Variants in DAB1 observed in about 807,000 individuals in gnomAD.
DAB1 encodes DAB adaptor protein 1.
In DAB1, 15 loss-of-function variants were observed where a neutral mutation model predicts 64.6. The observed-to-expected ratio is 0.23, with a 90% confidence interval of 0.16 to 0.36. The LOEUF is 0.36. Among genes scored for constraint, DAB1 ranks in the 10% least tolerant of loss-of-function variants. The pLI, the probability that DAB1 is intolerant of heterozygous loss-of-function variation, is 1.00. For missense variants in DAB1, 596 were observed against 706.7 expected (o/e 0.84, Z 1.78); for synonymous variants, 235 against 251.9 (o/e 0.93, Z 0.64).
At chr1:57,227,272 A>G (rs1667338961) in intron 2 of DAB1, among the ~76,000 whole-genome samples, 1 of 152,168 alleles carries the variant, frequency 6.6e-6, no homozygotes, top group Admixed American at 6.5e-5. Context: ...TCAATTCATG[A>G]ATTCATTCAA....
At chr1:58,262,582 TAAAAAAAAC>T (rs1557717781) in intron 4 of DAB1, among the ~76,000 whole-genome samples, 1 of 151,630 alleles carries the variant, frequency 6.6e-6, no homozygotes, top group African/African-American at 2.4e-5. Flanking sequence ...AGACTGCATC[TAAAAAAAAC>T]AAAAAAAACA....
At chr1:57,163,114 A>T (rs959494167) in intron 2 of DAB1, among the ~76,000 whole-genome samples, 2 of 152,248 alleles carry the variant, frequency 1.3e-5, no homozygotes, top group African/African-American at 4.8e-5. Flanking sequence ...CCCAGGGCAC[A>T]GTCATGAACC....
At chr1:57,434,770 CA>C (rs1685629112) in intron 7 of DAB1, among the ~76,000 whole-genome samples, 2 of 151,978 alleles carry the variant, frequency 1.3e-5, no homozygotes, top group African/African-American at 4.8e-5. Context: ...ATACTGTAGG[CA>C]ATTATAATAC....
intron 5 of DAB1, among the ~76,000 whole-genome samples, chr1:58,069,211 G>T (rs1649069710): frequency 6.6e-6 from 1 of 152,114 alleles, no homozygotes; most frequent in South Asian, 2.1e-4. Context: ...ACATGCGTTT[G>T]TTGAGCACTT....
intron 4 of DAB1, among the ~76,000 whole-genome samples, chr1:58,183,426 T>C (rs1040670918): frequency 6.6e-6 from 1 of 152,140 alleles, no homozygotes; most frequent in Non-Finnish European, 1.5e-5. Flanking sequence ...TCAACAGGGA[T>C]AGTGGCAGCT....
intron 4 of DAB1, among the ~76,000 whole-genome samples, chr1:58,241,438 C>T (rs1050994384): frequency 3.9e-5 from 6 of 152,030 alleles, no homozygotes; most frequent in Non-Finnish European, 8.8e-5. Context: ...GCCCTAAATA[C>T]AATGTCCTGG....
intron 6 of DAB1, among the ~76,000 whole-genome samples, chr1:57,663,740 T>G (rs1646414317): frequency 6.6e-6 from 1 of 152,182 alleles, no homozygotes; most frequent in Non-Finnish European, 1.5e-5. Context: ...TATTATTTTA[T>G]AGTATGCATG....
intron 6 of DAB1, among the ~76,000 whole-genome samples, chr1:57,796,884 G>T (rs112742044): frequency 2.6e-5 from 4 of 152,060 alleles, no homozygotes; most frequent in African/African-American, 9.7e-5. Context: ...TCCTGCATCC[G>T]GTTCACTGAC....
intron 6 of DAB1, among the ~76,000 whole-genome samples, chr1:57,744,869 A>T: frequency 6.6e-6 from 1 of 152,158 alleles, no homozygotes; most frequent in East Asian, 1.9e-4. Flanking sequence ...CTGTCCAAAG[A>T]CTATTAGTTC....
At chr1:57,118,519 G>T (rs150722657) in intron 4 of DAB1, among the ~76,000 whole-genome samples, 9 of 152,272 alleles carry the variant, frequency 5.9e-5, no homozygotes, top group African/African-American at 2.2e-4. Flanking sequence ...TGCCTTCTAT[G>T]CTAAAAAAGT....
chr1:57,253,740 T>C (rs551572666), intron 2 of DAB1, among the ~76,000 whole-genome samples: 1 of 152,212 alleles, frequency 6.6e-6, no homozygotes, highest in Non-Finnish European at 1.5e-5. Flanking sequence ...GTCAAAAATC[T>C]TATTACAACC....
chr1:57,233,996 C>G (rs1667900840), intron 2 of DAB1, among the ~76,000 whole-genome samples: 1 of 152,018 alleles, frequency 6.6e-6, no homozygotes, highest in Admixed American at 6.6e-5. Flanking sequence ...AACAACCACT[C>G]CAAGGTTAAT....
intron 7 of DAB1, among the ~76,000 whole-genome samples, chr1:57,481,514 T>C (rs72911219): frequency 6.6e-6 from 1 of 152,132 alleles, no homozygotes; most frequent in Non-Finnish European, 1.5e-5. Context: ...TTATTCATAA[T>C]ACAGCCACGA....
rs142337183 is a variant in DAB1, at chr1:57,373,280, C to A, written c.-137+50650G>T. On this transcript the variant is annotated intron_variant, in intron 1 of 14. Transcript: ENST00000371236. ...GTTTGTTGGATCCATCCCTCTATCT[C>A]TTCTGACTGGTTCTGTGACCTCTTA... is the stretch of plus-strand genomic sequence containing the variant. Among the ~76,000 whole-genome samples the A allele has an allele frequency of 4.6e-3, 702 of 152,282 alleles. 5 individuals are homozygous for A. The highest frequency in any genetic ancestry group is 0.016 in the African/African-American group (655 of 41,562).
chr1:57,767,822 G>A (rs546769719), intron 6 of DAB1, among the ~76,000 whole-genome samples: 1 of 152,130 alleles, frequency 6.6e-6, no homozygotes, highest in Non-Finnish European at 1.5e-5. Context: ...AGGAAGAATG[G>A]AATTACTTAC....
intron 1 of DAB1, among the ~76,000 whole-genome samples, chr1:57,419,775 G>C (rs1443670679): frequency 6.6e-6 from 1 of 152,228 alleles, no homozygotes; most frequent in Non-Finnish European, 1.5e-5. Flanking sequence ...ATAAAGCACA[G>C]AGAAGTTAGA....
At chr1:57,189,293 A>G (rs958092944) in intron 2 of DAB1, among the ~76,000 whole-genome samples, 4 of 152,162 alleles carry the variant, frequency 2.6e-5, no homozygotes, top group Admixed American at 1.3e-4. Flanking sequence ...TATCAGAGAA[A>G]CCAAAGTACA....
chr1:57,285,974 T>G (rs761074204), intron 2 of DAB1, among the ~76,000 whole-genome samples: 1 of 152,198 alleles, frequency 6.6e-6, no homozygotes, highest in Non-Finnish European at 1.5e-5. Flanking sequence ...CCTCAGGTCT[T>G]CCATCAAATT....
intron 3 of DAB1, among the ~76,000 whole-genome samples, chr1:58,350,869 A>G (rs180676880): frequency 2.7e-4 from 41 of 152,274 alleles, no homozygotes; most frequent in Admixed American, 5.2e-4. Flanking sequence ...GTCTTGTAGT[A>G]TAGTTTGAAG....
Sources: gnomAD v4.1 joint callset for allele counts (sites outside exome capture counted in the v4.1 genomes callset) on GRCh38, gnomAD v4.1.1 for gene constraint, MANE v1.5 for transcripts, NCBI Gene and HGNC (gene_info 2026-07-23, HGNC 2026-07-21) for gene names.